The following CENPE variants were observed in gnomAD, a reference collection of about 807,000 sequenced individuals.
The protein encoded by CENPE is centromere-associated protein E.
In CENPE, 145 loss-of-function variants were observed where a neutral mutation model predicts 336.1. That is an observed-to-expected ratio of 0.43 (90% CI 0.38 to 0.50). The LOEUF (loss-of-function observed/expected upper bound fraction) is 0.50. CENPE is among the 20% of genes least tolerant of loss of function. The pLI is 0.00. For missense variants in CENPE, 2,719 were observed against 3,023.3 expected (o/e 0.90, Z 2.36); for synonymous variants, 1,013 against 984.8 (o/e 1.03, Z -0.54).
intron 8 of CENPE, among the ~76,000 whole-genome samples, chr4:103,193,164 G>T (rs957202605): frequency 2.0e-5 from 3 of 152,038 alleles, no homozygotes; most frequent in Non-Finnish European, 4.4e-5. Flanking sequence ...CACGTAACAT[G>T]AGGAAAATCA....
At chr4:103,153,521 T>G (rs1753727350) in intron 24 of CENPE, among the ~76,000 whole-genome samples, 1 of 152,210 alleles carries the variant, frequency 6.6e-6, no homozygotes. Flanking sequence ...CTCCAAAGTT[T>G]GTGCTCTTAC....
Position 103,145,069 on chromosome 4 carries a change from G to A in CENPE, c.4838C>T (p.Thr1613Ile). The change falls in exon 32 of 49, where the codon ACT becomes ATT. Residue 1613 changes from threonine (T) to isoleucine (I), a missense_variant. Transcript: ENST00000265148. ...ACTTACTTTAGCTACAATTTCTTTA[G>A]TGTTTTCTTTCAGTTGGTCTCTCTC... Reference protein sequence around the residue: ...QIERDQLKENTKEIVAKMKES... With the variant: ...QIERDQLKENIKEIVAKMKES... The A allele has an allele frequency of 2.7e-6, 4 of 1,505,148 alleles. No homozygotes were observed. The South Asian group carries it at 5.7e-5, about 22-fold the overall frequency. 93.2% of individuals were successfully genotyped at this position (1,505,148 alleles called of 1,614,324 possible).
intron 11 of CENPE, 149 bp from the exon 12 acceptor site, chr4:103,181,605 T>G: frequency 1.8e-6 from 1 of 562,554 alleles, no homozygotes; most frequent in Non-Finnish European, 3.0e-6. Context: ...GAACATTCTA[T>G]GTCCTTATAA....
chr4:103,160,330 G>A (rs534404244), intron 21 of CENPE, among the ~76,000 whole-genome samples: 1 of 151,834 alleles, frequency 6.6e-6, no homozygotes, highest in East Asian at 1.9e-4. Context: ...GACTAAGGGT[G>A]GGCCGTAATA....
rs370980598 is a variant in CENPE at position 103,141,908 on chromosome 4, C to A, written c.5305G>T (p.Asp1769Tyr). ...CTTAGTTCCTCTTGTATTTTCAGATCCTTTACCATTAGAGAAATTTTAAAA... is the reference window on the plus strand; with the variant it reads ...CTTAGTTCCTCTTGTATTTTCAGATACTTTACCATTAGAGAAATTTTAAAA... ...EHSNDALKAQDLKIQEELRIA... is the reference protein window; with the variant it reads ...EHSNDALKAQYLKIQEELRIA... Residue 1769 changes from aspartate (D) to tyrosine (Y), a missense_variant and splice_region_variant, in exon 35 of 49, where the codon GAT becomes TAT. Around this residue, in one of 5 missense-constraint regions of CENPE, gnomAD observed 2,437 missense variants for 2,513.3 expected, o/e 0.97. Coordinates refer to ENST00000265148, the MANE Select transcript of CENPE (RefSeq NM_001813.3). The A allele has an allele frequency of 1.3e-5, 21 of 1,571,562 alleles. No homozygotes were observed. The African/African-American group carries it at 2.2e-4, about 16-fold the overall frequency.
chr4:103,143,624 T>C (rs1241429529), intron 33 of CENPE, among the ~76,000 whole-genome samples: 2 of 152,200 alleles, frequency 1.3e-5, no homozygotes, highest in African/African-American at 4.8e-5. Context: ...ATCAGCACTA[T>C]AGCTCTACCA....
Position 103,136,160 on chromosome 4 carries a change from C to T in CENPE, c.6503G>A (p.Arg2168Lys). ...ANQRCSMEFHRIMKKLKYVLS... is the reference protein window; with the variant it reads ...ANQRCSMEFHKIMKKLKYVLS... ...TGGTACCTTCAGTTTCTTCATGATT[C>T]TGTGGAATTCCATGGAGCATCTCTG... Residue 2168 changes from arginine to lysine, a missense_variant, in exon 40 of 49, where the codon AGA becomes AAA. This residue lies in a region of CENPE where 2,437 missense variants were observed against 2,513.3 expected (regional missense o/e 0.97). Transcript: ENST00000265148. 6.2e-7 allele frequency: 1 copy of T among 1,613,002 alleles called. No homozygotes were observed. Among genetic ancestry groups the T allele is most frequent in the South Asian group, 1.1e-5 (1 of 90,902 alleles).
intron 40 of CENPE, among the ~76,000 whole-genome samples, chr4:103,135,215 C>A (rs1366318456): frequency 6.6e-6 from 1 of 152,266 alleles, no homozygotes; most frequent in South Asian, 2.1e-4. Flanking sequence ...TATTATCTAT[C>A]ACCTATATGC....
intron 8 of CENPE, among the ~76,000 whole-genome samples, chr4:103,191,266 A>C (rs1261930889): frequency 6.6e-6 from 1 of 152,216 alleles, no homozygotes; most frequent in Non-Finnish European, 1.5e-5. Flanking sequence ...AGAACTAGAA[A>C]TACCATTTGA....
At chr4:103,115,731 CTTTTTTT>C (rs749115745) in intron 45 of CENPE, among the ~76,000 whole-genome samples, 1 of 138,050 alleles carries the variant, frequency 7.2e-6, no homozygotes. Flanking sequence ...GAACATATTT[CTTTTTTT>C]TTTTTTTTTT....
chr4:103,158,443 C>A lies in CENPE; in HGVS notation c.2890G>T (p.Glu964Ter). 6.3e-7 allele frequency: 1 copy of A among 1,579,342 alleles called. No homozygotes were observed. Among genetic ancestry groups the A allele is most frequent in the Non-Finnish European group, 8.6e-7 (1 of 1,165,116 alleles). ...DTVNMNIDTQ[E>*]QLRNALESLK... ...GACTCAAGAGCATTTCGTAATTGTT[C>A]TTGAGTATCTATATTCTTTGTTAGA... The change falls in exon 24 of 49, where the codon GAA (glutamate) becomes TAA (stop). Residue 964 changes from glutamate (E) to a stop codon, truncating the protein, a stop_gained. Coordinates refer to ENST00000265148, the MANE Select transcript of CENPE (RefSeq NM_001813.3). LOFTEE classifies it high-confidence loss of function.
rs376298311 is a variant in CENPE at position 103,168,286 on chromosome 4, C to T, written c.1648-4733G>A. ...TGGGAACTGCTGGGTGAAGCACCTG[C>T]CCCAGCCACCAGGACAGGTTTCATG... On this transcript the variant is annotated intron_variant, in intron 16 of 48. Coordinates refer to ENST00000265148, the MANE Select transcript of CENPE (RefSeq NM_001813.3). Among the ~76,000 whole-genome samples the T allele has an allele frequency of 2.6e-5, 4 of 152,036 alleles. No homozygotes were observed. In the South Asian group the frequency reaches 8.3e-4, roughly 32 times the overall value.
At chr4:103,193,815 T>G (rs1302692000) in intron 8 of CENPE, among the ~76,000 whole-genome samples, 1 of 152,116 alleles carries the variant, frequency 6.6e-6, no homozygotes, top group Non-Finnish European at 1.5e-5. Flanking sequence ...ATGTGATTAC[T>G]TTTTAACCAT....
At chr4:103,167,699 G>A (rs1484135691) in intron 16 of CENPE, among the ~76,000 whole-genome samples, 2 of 152,194 alleles carry the variant, frequency 1.3e-5, no homozygotes, top group Non-Finnish European at 2.9e-5. Context: ...TGGAAGTGTT[G>A]TTTTTGAGAG....
At chr4:103,134,718 A>T (rs541103574) in intron 40 of CENPE, among the ~76,000 whole-genome samples, 28 of 152,238 alleles carry the variant, frequency 1.8e-4, no homozygotes, top group African/African-American at 6.5e-4. Flanking sequence ...TTTCAATGCC[A>T]AATGTCTCAT....
In CENPE at chr4:103,140,302, T is replaced by C. The variant is rs770369100; in HGVS notation, c.5867A>G (p.Asp1956Gly). Residue 1956 changes from aspartate to glycine, a missense_variant, in exon 37 of 49, where the codon GAC becomes GGC. Physicochemically the swap from Asp to Gly is moderately conservative, Grantham distance 94. Transcript: ENST00000265148. ...TGATTTATCTAAATCCTTTTGAATG[T>C]CTGAAATTTGAATTGTCTTTTCTGA... The part of the protein sequence containing the change: ...KISEKTIQIS[D>G]IQKDLDKSKD... 2 of 1,605,182 alleles carry C rather than the reference T, an allele frequency of 1.2e-6. No individual in the cohort carries two copies. Among genetic ancestry groups the C allele is most frequent in the Admixed American group, 1.7e-5 (1 of 59,294 alleles).
chr4:103,153,540 A>T (rs1394678991), intron 24 of CENPE, among the ~76,000 whole-genome samples: 1 of 152,212 alleles, frequency 6.6e-6, no homozygotes, highest in Non-Finnish European at 1.5e-5. Flanking sequence ...ACGTCTGTTC[A>T]CTAATCAGAA....
chr4:103,178,680 C>T (rs764756468), intron 13 of CENPE, among the ~76,000 whole-genome samples: 5 of 152,118 alleles, frequency 3.3e-5, no homozygotes, highest in Non-Finnish European at 5.9e-5. Context: ...CCATCTTTAT[C>T]TTATTTAACT....
At chr4:103,195,752 G>A (rs1416320827) in intron 4 of CENPE, among the ~76,000 whole-genome samples, 168 bp downstream of exon 4, 2 of 152,100 alleles carry the variant, frequency 1.3e-5, no homozygotes, top group African/African-American at 4.8e-5. Flanking sequence ...AGTAAGTTGT[G>A]GAGATAAAAG....
Sources: allele counts gnomAD v4.1 joint callset (sites outside exome capture counted in the v4.1 genomes callset), GRCh38; gene constraint gnomAD v4.1.1; regional missense constraint gnomAD v4.1.1; transcripts MANE v1.5; gene names NCBI Gene and HGNC (gene_info 2026-07-23, HGNC 2026-07-21).